The following MTFMT variants were observed in gnomAD, a reference collection of about 807,000 sequenced individuals.
MTFMT encodes methionyl-tRNA formyltransferase, mitochondrial.
In MTFMT, 47 loss-of-function variants were observed where a neutral mutation model predicts 51.8. The observed-to-expected ratio is 0.91, with a 90% confidence interval of 0.72 to 1.16. The LOEUF (loss-of-function observed/expected upper bound fraction) is 1.16, where lower values mean the gene tolerates loss of function less well. Among genes scored for constraint, MTFMT ranks in the 50% most tolerant of loss-of-function variants. The probability of loss-of-function intolerance (pLI) is 0.00; values close to 1 mark genes in which losing one functional copy is unlikely to be tolerated. For missense variants in MTFMT, 512 were observed against 482.3 expected (o/e 1.06, Z -0.58); for synonymous variants, 196 against 176.7 (o/e 1.11, Z -0.87).
In MTFMT at chr15:65,006,148, A is replaced by G. The variant is rs575133242; in HGVS notation, c.857T>C (p.Leu286Pro). Residue 286 changes from leucine to proline, a missense_variant, in exon 7 of 9, where the codon CTG becomes CCG. Coordinates refer to ENST00000220058, the MANE Select transcript of MTFMT (RefSeq NM_139242.4). ...TLWMANTIKL[L>P]DLVEVNSSVL... ...TGAACTGTTAACTTCTACCAAATCC[A>G]GAAGTTTAATGGTATTCGCCATCCA... is the stretch of plus-strand genomic sequence containing the variant. 1.9e-6 allele frequency: 3 copies of G among 1,613,094 alleles called. No homozygotes were observed. Among genetic ancestry groups the G allele is most frequent in the South Asian group, 2.2e-5 (2 of 91,076 alleles).
intron 1 of MTFMT, chr15:65,029,163 G>C (rs1309218027): frequency 1.5e-6 from 1 of 647,798 alleles, no homozygotes; most frequent in South Asian, 6.8e-5. Context: ...GTGGCAGGGC[G>C]CCTGGAGAAC....
intron 6 of MTFMT, among the ~76,000 whole-genome samples, chr15:65,006,772 A>C (rs1269965195): frequency 6.6e-6 from 1 of 152,232 alleles, no homozygotes; most frequent in Non-Finnish European, 1.5e-5. Context: ...AAAAAATGCA[A>C]GCATTACATT....
intron 4 of MTFMT, among the ~76,000 whole-genome samples, chr15:65,020,980 C>G (rs1238154113): frequency 3.3e-5 from 5 of 152,134 alleles, no homozygotes; most frequent in Non-Finnish European, 7.3e-5. Flanking sequence ...ATAAAATTAA[C>G]CCGTTCATAT....
chr15:65,013,384 G>A (rs1174921105), intron 6 of MTFMT, among the ~76,000 whole-genome samples: 4 of 151,122 alleles, frequency 2.6e-5, no homozygotes, highest in Non-Finnish European at 5.9e-5. Flanking sequence ...AAAATACCTG[G>A]GACTACAAGT....
chr15:65,021,848 C>T lies in MTFMT; in HGVS notation c.543-232G>A, dbSNP rs189927646. On this transcript the variant is annotated intron_variant, in intron 3 of 8. Coordinates refer to ENST00000220058, the MANE Select transcript of MTFMT (RefSeq NM_139242.4). ...ATAAATAAAGATAGTTTATCACTGG[C>T]TATTAATTTGGCTGTTAGACATTAG... Among the ~76,000 whole-genome samples the T allele has an allele frequency of 3.9e-3, 600 of 152,160 alleles. 1 individual carries two copies. Among genetic ancestry groups the T allele is most frequent in the Non-Finnish European group, 5.6e-3 (382 of 68,014 alleles).
In MTFMT at chr15:65,002,832, G is replaced by C. The variant is rs776492692; in HGVS notation, c.*230C>G. The stretch of plus-strand genomic sequence containing the variant: ...ACAAAAATTAGCTGCGTGTGGTGGC[G>C]TGTGCCTGTAATCCCAGCTACTCAG... On this transcript the variant is annotated 3_prime_UTR_variant, in exon 9 of 9. Transcript: ENST00000220058. The C allele has an allele frequency of 3.8e-6, 1 of 263,910 alleles. No individual in the cohort carries two copies. The highest frequency in any genetic ancestry group is 8.8e-5 in the South Asian group (1 of 11,392). The allele number at this position is 263,910 out of a possible 1,614,324, so 16.3% of individuals were successfully genotyped here.
At chr15:65,021,075 AAAG>A (rs745412624) in intron 4 of MTFMT, among the ~76,000 whole-genome samples, 2 of 152,218 alleles carry the variant, frequency 1.3e-5, no homozygotes, top group Non-Finnish European at 2.9e-5. Context: ...GCCACAGAAA[AAAG>A]AAGGATCATC....
At chr15:65,023,579 G>A in intron 3 of MTFMT, 93 bp downstream of exon 3, 2 of 1,236,436 alleles carry the variant, frequency 1.6e-6, no homozygotes, top group Non-Finnish European at 2.3e-6. Context: ...ACAGAAATTA[G>A]TGAGCACCAC....
rs2086182298 is a variant in MTFMT, at chr15:65,002,244, A to T, written c.*818T>A. The T allele has an allele frequency of 1.4e-5, 2 of 147,100 alleles. No individual in the cohort carries two copies. The highest frequency in any genetic ancestry group is 3.0e-5 in the Non-Finnish European group (2 of 66,998). The allele number at this position is 147,100 out of a possible 1,614,324, so 9.1% of individuals were successfully genotyped here. Reference sequence around the variant, plus strand: ...AAACCCCATCTCTACTAAAAATACAAAAAAAAAAATTAGCCAGGCATGGTG... The same window carrying T: ...AAACCCCATCTCTACTAAAAATACATAAAAAAAAATTAGCCAGGCATGGTG... On this transcript the variant is annotated 3_prime_UTR_variant, in exon 9 of 9. Transcript: ENST00000220058.
intron 1 of MTFMT, among the ~76,000 whole-genome samples, chr15:65,029,069 C>A (rs2140493090): frequency 6.6e-6 from 1 of 152,288 alleles, no homozygotes; most frequent in East Asian, 1.9e-4. Context: ...CACGGATTCC[C>A]CACACTCAAA....
At chr15:65,003,863 A>AG (rs886227028) in intron 8 of MTFMT, among the ~76,000 whole-genome samples, 1 of 150,498 alleles carries the variant, frequency 6.6e-6, no homozygotes, top group Non-Finnish European at 1.5e-5. Context: ...AAAAAAAAAA[A>AG]AAAGGGAAAT....
intron 2 of MTFMT, chr15:65,026,136 T>C (rs2086422021): frequency 6.5e-6 from 1 of 154,282 alleles, no homozygotes; most frequent in Admixed American, 6.5e-5. Flanking sequence ...TTAACAATCT[T>C]TGATATCATA....
At chr15:65,020,335 A>T in intron 4 of MTFMT, 63 bp from the exon 5 acceptor site, 1 of 1,355,582 alleles carries the variant, frequency 7.4e-7, no homozygotes, top group Non-Finnish European at 1.0e-6. Flanking sequence ...AAGCAGAAAC[A>T]CATTACAATT....
At chr15:65,003,840 C>A (rs920270606) in intron 8 of MTFMT, among the ~76,000 whole-genome samples, 2 of 30,124 alleles carry the variant, frequency 6.6e-5, no homozygotes, top group Non-Finnish European at 8.6e-5. Flanking sequence ...TGGGCAACTC[C>A]ATCTCAAAAA....
At chr15:65,006,916 G>C (rs755896774) in intron 6 of MTFMT, among the ~76,000 whole-genome samples, 1 of 152,148 alleles carries the variant, frequency 6.6e-6, no homozygotes, top group Non-Finnish European at 1.5e-5. Context: ...CACAGTGATA[G>C]AGACAGGAGA....
intron 8 of MTFMT, 117 bp from the exon 9 acceptor site, chr15:65,003,373 A>G (rs1221212111): frequency 2.7e-6 from 2 of 753,464 alleles, no homozygotes; most frequent in Non-Finnish European, 4.3e-6. Flanking sequence ...ATCTTTACTA[A>G]ATGCCTAGCT....
rs1379852466 is a variant in MTFMT, at chr15:65,010,884, GTC to G, written c.814-4695_814-4694del. ...CACATCCTTGCCAACACTAGTTTTT[GTC>G]TGTTTTTTGAATTATAGCCATCCTA... On this transcript the variant is annotated intron_variant, in intron 6 of 8. Coordinates refer to ENST00000220058, the MANE Select transcript of MTFMT (RefSeq NM_139242.4). 5.3e-5 allele frequency among the ~76,000 whole-genome samples: 8 copies of G among 152,264 alleles called. No homozygotes were observed. In the South Asian group the frequency reaches 1.7e-3, roughly 32 times the overall value.
chr15:65,008,211 T>C (rs187910526), intron 6 of MTFMT, among the ~76,000 whole-genome samples: 25 of 152,310 alleles, frequency 1.6e-4, no homozygotes, highest in African/African-American at 5.1e-4. Context: ...TGTTATAATA[T>C]AGCACTTACT....
chr15:65,018,089 C>A (rs28546981), intron 5 of MTFMT, among the ~76,000 whole-genome samples: 8,802 of 151,668 alleles, frequency 0.058, 875 homozygotes, highest in African/African-American at 0.2. Flanking sequence ...GCTGTTTTAA[C>A]TTTTGAACCA....
Sources: allele counts gnomAD v4.1 joint callset (sites outside exome capture counted in the v4.1 genomes callset), GRCh38; gene constraint gnomAD v4.1.1; transcripts MANE v1.5; gene names NCBI Gene and HGNC (gene_info 2026-07-23, HGNC 2026-07-21).